CRAMP1: variants seen among roughly 807,000 people sequenced by gnomAD.
CRAMP1 encodes the protein protein cramped-like.
Under a neutral mutation model 115.4 loss-of-function variants are expected in CRAMP1, and 50 were observed. The ratio of observed to expected loss-of-function variants is 0.43; its 90% confidence interval spans 0.35 to 0.55. CRAMP1 has a LOEUF of 0.55. Among genes scored for constraint, CRAMP1 ranks in the 20% least tolerant of loss-of-function variants. CRAMP1 has a pLI of 0.01. For synonymous variants in CRAMP1, 866 were observed against 745.4 expected, an observed-to-expected ratio of 1.16 and a Z score of -2.64; for missense variants, 1,679 against 1,721.7, an observed-to-expected ratio of 0.98 and a Z score of 0.44.
intron 3 of CRAMP1, among the ~76,000 whole-genome samples, chr16:1,629,241 A>G (rs978227164): frequency 2.0e-5 from 3 of 151,506 alleles, no homozygotes; most frequent in Non-Finnish European, 4.4e-5. Flanking sequence ...TGTGCTTCGC[A>G]GTGTTCCCCT....
chr16:1,666,639 A>G lies in CRAMP1; in HGVS notation c.3036+39A>G, dbSNP rs1232262474. On this transcript the variant is annotated intron_variant, in intron 16 of 20. Coordinates refer to ENST00000397412, the MANE Select transcript of CRAMP1 (RefSeq NM_020825.4). This position sits in a 1 kb window ranked among gnomAD's most constrained non-coding sequence, Gnocchi z 5.0. ...GAAGGGCTTTTCAGCATTACCACCA[A>G]CTTCTGGTGTGGACGCCAAAGCCAT... is the stretch of plus-strand genomic sequence containing the variant. The G allele has an allele frequency of 2.5e-6, 4 of 1,579,482 alleles. No homozygotes were observed. The highest frequency in any genetic ancestry group is 1.3e-5 in the African/African-American group (1 of 74,240).
intron 2 of CRAMP1, among the ~76,000 whole-genome samples, chr16:1,624,804 G>A (rs1450613621): frequency 1.3e-5 from 2 of 152,024 alleles, no homozygotes; most frequent in African/African-American, 4.8e-5. Flanking sequence ...GGTTGGTCTC[G>A]ATCTCTTGAC....
intron 19 of CRAMP1, among the ~76,000 whole-genome samples, chr16:1,670,038 G>A (rs977991493): frequency 6.6e-6 from 1 of 152,114 alleles, no homozygotes; most frequent in Non-Finnish European, 1.5e-5. Flanking sequence ...GCCAAGGTAG[G>A]AGGACTGCTT....
At chr16:1,637,270 G>C in intron 4 of CRAMP1, among the ~76,000 whole-genome samples, 1 of 151,990 alleles carries the variant, frequency 6.6e-6, no homozygotes, top group East Asian at 1.9e-4. Context: ...CTCCAGTCTG[G>C]GCGAGAGAGT....
rs573894578 is a variant in CRAMP1, at chr16:1,620,369, C to A, written c.346+5384C>A. 5.9e-5 allele frequency among the ~76,000 whole-genome samples: 9 copies of A among 152,274 alleles called. No homozygotes were observed. In the South Asian group the frequency reaches 1.9e-3, roughly 32 times the overall value. ...TGGGGCACGGTCAAGTCTGGAGATG[C>A]CCTTCCACGAGCGGGTGTCGCCAGT... On this transcript the variant is annotated intron_variant, in intron 2 of 20. Transcript: ENST00000397412.
At position 1,614,234 on chromosome 16, in the gene CRAMP1, AG is replaced by A. The variant is rs972516885; in HGVS notation, c.-1-403del. Among the ~76,000 whole-genome samples the A allele has an allele frequency of 3.4e-5, 5 of 146,004 alleles. No homozygotes were observed. The highest frequency in any genetic ancestry group is 4.9e-5 in the African/African-American group (2 of 40,420). ...GCCATGAGCCGCGGCCCCGCCGGGT[AG>A]GTGGCTGTGGGCGGGGCAGCGGCCC... On this transcript the variant is annotated intron_variant, in intron 1 of 20. Transcript: ENST00000397412. The surrounding 1 kb of genome is among the most constrained non-coding windows in gnomAD (Gnocchi z 4.4).
chr16:1,624,193 C>T (rs1186003691), intron 2 of CRAMP1, among the ~76,000 whole-genome samples: 6 of 151,260 alleles, frequency 4.0e-5, no homozygotes, highest in Non-Finnish European at 8.8e-5. Flanking sequence ...CACTCTGTTG[C>T]CCAGACTGGT....
In CRAMP1 at chr16:1,656,068, G is replaced by A; in HGVS notation, c.1311G>A (p.Lys437=). 1.2e-6 allele frequency: 2 copies of A among 1,610,664 alleles called. No homozygotes were observed. Among genetic ancestry groups the A allele is most frequent in the East Asian group, 4.5e-5 (2 of 44,824 alleles). ...GCGGCCGGTGCAAGCAGAGTGCCAA[G>A]GACGCCCACGTGCTGCCCCCAGCCC... ...QEGGRCKQSA[K]DAHVLPPAQI... The change falls in exon 10 of 21, where the codon AAG becomes AAA. Residue 437 remains lysine, a synonymous_variant. Transcript: ENST00000397412. This position sits in a 1 kb window ranked among gnomAD's most constrained non-coding sequence, Gnocchi z 5.6.
chr16:1,661,971 C>G (rs1005001865), intron 11 of CRAMP1, among the ~76,000 whole-genome samples: 5 of 152,204 alleles, frequency 3.3e-5, no homozygotes, highest in Non-Finnish European at 7.3e-5. Flanking sequence ...AGCTATAGGC[C>G]TGCAGCCCAG....
chr16:1,659,453 C>T (rs893097339), intron 10 of CRAMP1, among the ~76,000 whole-genome samples: 1 of 151,690 alleles, frequency 6.6e-6, no homozygotes, highest in African/African-American at 2.4e-5. Context: ...TGCAGTGGTG[C>T]GATCTCGGCC....
chr16:1,662,370 G>A (rs905101811), intron 11 of CRAMP1, 120 bp from the exon 12 acceptor site: 4 of 757,978 alleles, frequency 5.3e-6, no homozygotes, highest in Non-Finnish European at 8.9e-6. Context: ...CTCCTTTCAA[G>A]GCAGCCGAAC....
chr16:1,650,769 A>C (rs1168070632), intron 6 of CRAMP1, among the ~76,000 whole-genome samples: 1 of 152,242 alleles, frequency 6.6e-6, no homozygotes, highest in Non-Finnish European at 1.5e-5. Flanking sequence ...CTCCTACCTG[A>C]CGTGTGCAAC....
rs1356678038 is a variant in CRAMP1, at chr16:1,665,082, A to G, written c.2696A>G (p.Glu899Gly). ...AGAACACTGCTCCCTAGACCATCGG[A>G]AAACCAGTCCCACAACGTTTGTTCC... is the stretch of plus-strand genomic sequence containing the variant. ...VQRTLLPRPS[E>G]NQSHNVCSFS... Residue 899 changes from glutamate to glycine, a missense_variant, in exon 14 of 21, where the codon GAA becomes GGA. Coordinates refer to ENST00000397412, the MANE Select transcript of CRAMP1 (RefSeq NM_020825.4). 3 of 1,612,626 alleles carry G rather than the reference A, an allele frequency of 1.9e-6. No homozygotes were observed. The African/African-American group carries it at 4.0e-5, about 22-fold the overall frequency.
chr16:1,656,430 T>G lies in CRAMP1; in HGVS notation c.1673T>G (p.Leu558Arg). Residue 558 changes from leucine (L) to arginine (R), a missense_variant, in exon 10 of 21, where the codon CTA (leucine) becomes CGA (arginine). This residue lies in a region of CRAMP1 where 405 missense variants were observed against 302.6 expected (regional missense o/e 1.34). Coordinates refer to ENST00000397412, the MANE Select transcript of CRAMP1 (RefSeq NM_020825.4). This position sits in a 1 kb window ranked among gnomAD's most constrained non-coding sequence, Gnocchi z 5.6. ...LPDLEDELSL[L>R]DPLPRYLKSC... Reference sequence around the variant, plus strand: ...GACCTGGAGGACGAGCTCTCGCTTCTAGACCCCTTGCCCCGCTACCTAAAG... The same window carrying G: ...GACCTGGAGGACGAGCTCTCGCTTCGAGACCCCTTGCCCCGCTACCTAAAG... The G allele has an allele frequency of 2.5e-6, 4 of 1,587,682 alleles. No homozygotes were observed. Among genetic ancestry groups the G allele is most frequent in the Non-Finnish European group, 3.4e-6 (4 of 1,167,650 alleles).
rs761336830 is a variant in CRAMP1 at position 1,665,148 on chromosome 16, C to G, written c.2752+10C>G. On this transcript the variant is annotated intron_variant, in intron 14 of 20. Transcript: ENST00000397412. ...AACTCTTCCGTAACTGGTAAGGACC[C>G]TGAGCTTTTCTGGGGTAGCTTGTCC... 1.3e-6 allele frequency: 2 copies of G among 1,579,012 alleles called. No individual in the cohort carries two copies. Among genetic ancestry groups the G allele is most frequent in the Non-Finnish European group, 8.7e-7 (1 of 1,148,074 alleles).
Position 1,614,795 on chromosome 16 carries a change from C to G in CRAMP1, c.156C>G (p.Pro52=). The change falls in exon 2 of 21, where the codon CCC becomes CCG. Residue 52 remains proline, a synonymous_variant. Coordinates refer to ENST00000397412, the MANE Select transcript of CRAMP1 (RefSeq NM_020825.4). This position sits in a 1 kb window ranked among gnomAD's most constrained non-coding sequence, Gnocchi z 4.4. ...GCACAAAGAGGGACGAGAAGACCCC[C>G]CGGGCCGGCGCCGACGGCCCCCCCG... ...SSGTKRDEKT[P]RAGADGPPAP... 7.6e-7 allele frequency: 1 copy of G among 1,307,726 alleles called. No homozygotes were observed. The highest frequency in any genetic ancestry group is 3.2e-5 in the East Asian group (1 of 31,344). 81.0% of individuals were successfully genotyped at this position (1,307,726 alleles called of 1,614,324 possible).
At chr16:1,651,086 G>A (rs916059887) in intron 6 of CRAMP1, among the ~76,000 whole-genome samples, 7 of 152,068 alleles carry the variant, frequency 4.6e-5, no homozygotes, top group African/African-American at 1.7e-4. Context: ...AGTGGACTGA[G>A]AGGTCACAGA....
intron 4 of CRAMP1, among the ~76,000 whole-genome samples, chr16:1,633,822 C>T (rs577251244): frequency 6.6e-6 from 1 of 152,254 alleles, no homozygotes; most frequent in East Asian, 1.9e-4. Flanking sequence ...CTGTAATCAG[C>T]ACTTTGGGAG....
In CRAMP1 at chr16:1,656,897, G is replaced by T; in HGVS notation, c.2140G>T (p.Asp714Tyr). 2 of 1,552,132 alleles carry T rather than the reference G, an allele frequency of 1.3e-6. No individual in the cohort carries two copies. Among genetic ancestry groups the T allele is most frequent in the Non-Finnish European group, 1.7e-6 (2 of 1,148,188 alleles). The change falls in exon 10 of 21, where the codon GAC becomes TAC. Residue 714 changes from aspartate to tyrosine, a missense_variant. Transcript: ENST00000397412. This position sits in a 1 kb window ranked among gnomAD's most constrained non-coding sequence, Gnocchi z 5.6. ...EYDWLGPGRQ[D>Y]PRPGSLPTAL... ...CGACTGGCTGGGGCCCGGCCGCCAGGACCCCCGCCCCGGCTCCCTACCCAC... is the reference window on the plus strand; with the variant it reads ...CGACTGGCTGGGGCCCGGCCGCCAGTACCCCCGCCCCGGCTCCCTACCCAC...
Sources: allele counts gnomAD v4.1 joint callset (sites outside exome capture counted in the v4.1 genomes callset), GRCh38; gene constraint gnomAD v4.1.1; regional missense constraint gnomAD v4.1.1; non-coding constraint Gnocchi (gnomAD v3.1); transcripts MANE v1.5; gene names NCBI Gene and HGNC (gene_info 2026-07-23, HGNC 2026-07-21).